The following FRMPD4 variants were observed in gnomAD, a reference collection of about 807,000 sequenced individuals.
The protein encoded by FRMPD4 is FERM and PDZ domain-containing protein 4.
FRMPD4 carries 22 observed loss-of-function variants against 94.1 expected under a neutral mutation model. That is an observed-to-expected ratio of 0.23 (90% confidence interval 0.17 to 0.33). FRMPD4 has a LOEUF of 0.33. Among genes scored for constraint, FRMPD4 ranks in the 10% least tolerant of loss-of-function variants. The pLI, the probability that FRMPD4 is intolerant of heterozygous loss-of-function variation, is 1.00. For synonymous variants in FRMPD4, 631 were observed against 548.6 expected, an observed-to-expected ratio of 1.15 and a Z score of -2.10; for missense variants, 1,111 against 1,339.9, an observed-to-expected ratio of 0.83 and a Z score of 2.67.
At chrX:12,674,659 G>A (rs948461816) in intron 4 of FRMPD4, among the ~76,000 whole-genome samples, 3 of 111,905 alleles carry the variant, frequency 2.7e-5, no homozygotes, top group Non-Finnish European at 5.6e-5. Context: ...TTTCAATTGG[G>A]CAGTTTGTTA....
intron 3 of FRMPD4, among the ~76,000 whole-genome samples, chrX:11,906,115 T>TTTTTTTTATTTA (rs1555913026): frequency 5.7e-5 from 5 of 88,247 alleles, no homozygotes; most frequent in Admixed American, 5.3e-4. Context: ...TTTCCCTTCA[T>TTTTTTTTATTTA]TTTATTTATT....
At chrX:12,561,027 C>T (rs1430264001) in intron 2 of FRMPD4, among the ~76,000 whole-genome samples, 1 of 109,383 alleles carries the variant, frequency 9.1e-6, no homozygotes, top group Non-Finnish European at 1.9e-5. Context: ...CCTCGGCCTC[C>T]CAAAGTGCTG....
intron 1 of FRMPD4, among the ~76,000 whole-genome samples, chrX:12,442,808 T>C (rs2057153341): frequency 9.0e-6 from 1 of 111,452 alleles, no homozygotes; most frequent in African/African-American, 3.3e-5. Context: ...TTATTCCTAA[T>C]AGACAAAACA....
In FRMPD4 at chrX:12,233,443, G is replaced by A. The variant is rs545677375; in HGVS notation, c.41+94431G>A. Among the ~76,000 whole-genome samples the A allele has an allele frequency of 1.5e-4, 17 of 111,443 alleles. No homozygotes were observed. In the South Asian group the frequency reaches 4.9e-3, roughly 32 times the overall value. ...TATCTGGCAACCCTATATGTTTGGG[G>A]GAGCTCAGTTTGAATCAATATCTTT... On this transcript the variant is annotated intron_variant, in intron 1 of 16. Coordinates refer to ENST00000675598, the MANE Select transcript of FRMPD4 (RefSeq NM_001368397.1).
chrX:12,226,933 G>A (rs2056929223), intron 1 of FRMPD4, among the ~76,000 whole-genome samples: 1 of 110,575 alleles, frequency 9.0e-6, no homozygotes, highest in Non-Finnish European at 1.9e-5. Flanking sequence ...AATTGGTCCA[G>A]AACAAAGTCA....
intron 1 of FRMPD4, among the ~76,000 whole-genome samples, chrX:11,857,845 T>C (rs1169894630): frequency 1.8e-5 from 2 of 112,157 alleles, no homozygotes; most frequent in Non-Finnish European, 3.8e-5. Context: ...CTATAAGAAA[T>C]TTAAACAAAT....
intron 1 of FRMPD4, among the ~76,000 whole-genome samples, chrX:12,254,023 AT>A (rs2054081931): frequency 2.7e-5 from 3 of 111,557 alleles, no homozygotes. Context: ...TCAGAATATA[AT>A]TTTTTAATAG....
intron 14 of FRMPD4, among the ~76,000 whole-genome samples, chrX:12,711,925 A>G (rs1177529506): frequency 9.0e-6 from 1 of 111,308 alleles, no homozygotes; most frequent in Non-Finnish European, 1.9e-5. Flanking sequence ...ACTCACACAC[A>G]GTTTATTATG....
chrX:12,569,169 T>A (rs1420704360), intron 2 of FRMPD4, among the ~76,000 whole-genome samples: 1 of 111,589 alleles, frequency 9.0e-6, no homozygotes, highest in Non-Finnish European at 1.9e-5. Flanking sequence ...TCTAGAACCA[T>A]GAGTCAAATA....
chrX:11,838,607 G>A (rs1269954817), intron 1 of FRMPD4, among the ~76,000 whole-genome samples: 2 of 110,762 alleles, frequency 1.8e-5, no homozygotes, highest in African/African-American at 6.6e-5. Flanking sequence ...AATTTCCCTT[G>A]AGCCCATTTG....
At chrX:12,708,248 G>T (rs1437876807) in intron 13 of FRMPD4, among the ~76,000 whole-genome samples, 1 of 110,544 alleles carries the variant, frequency 9.0e-6, no homozygotes, top group East Asian at 2.8e-4. Context: ...GAGGCGGGCG[G>T]ATCACGAGGT....
chrX:12,125,449 T>C (rs1435581879), intron 3 of FRMPD4, among the ~76,000 whole-genome samples: 5 of 112,050 alleles, frequency 4.5e-5, no homozygotes, highest in Admixed American at 2.8e-4. Context: ...ATTACTTTTC[T>C]CACCAAGTAA....
chrX:12,139,340 T>C (rs1189049319), intron 1 of FRMPD4, among the ~76,000 whole-genome samples: 1 of 111,137 alleles, frequency 9.0e-6, no homozygotes, highest in Admixed American at 9.5e-5. Context: ...ATGGTTGTAA[T>C]TGCTACTGCT....
chrX:12,304,814 G>A (rs1192814574), intron 1 of FRMPD4, among the ~76,000 whole-genome samples: 2 of 112,061 alleles, frequency 1.8e-5, no homozygotes, highest in Admixed American at 1.9e-4. Flanking sequence ...CTTGATGCAT[G>A]TCTTATGAAA....
intron 1 of FRMPD4, among the ~76,000 whole-genome samples, chrX:12,345,824 C>T (rs2055699255): frequency 9.0e-6 from 1 of 111,543 alleles, no homozygotes; most frequent in Non-Finnish European, 1.9e-5. Context: ...ATATGGCGTG[C>T]TTAAGGCTTA....
intron 2 of FRMPD4, among the ~76,000 whole-genome samples, chrX:12,563,337 C>G (rs2058678148): frequency 9.0e-6 from 1 of 111,226 alleles, no homozygotes; most frequent in Non-Finnish European, 1.9e-5. Context: ...CTGGTTCCTC[C>G]CAGAGCAACT....
chrX:12,600,659 T>C (rs7891490), intron 2 of FRMPD4, among the ~76,000 whole-genome samples: 6,907 of 111,981 alleles, frequency 0.062, 539 homozygotes, highest in African/African-American at 0.21. Context: ...AAGATTTTCA[T>C]AGCTGCTCGA....
upstream of FRMPD4, among the ~76,000 whole-genome samples, chrX:12,136,890 AACACACACACACAC>A (rs376427153): frequency 7.5e-4 from 73 of 97,605 alleles, 1 homozygote; most frequent in African/African-American, 2.4e-3. Flanking sequence ...TCTACGTTAA[AACACACACACACAC>A]ACACACACAC....
At chrX:12,181,745 G>A (rs1398492388) in intron 1 of FRMPD4, among the ~76,000 whole-genome samples, 1 of 111,319 alleles carries the variant, frequency 9.0e-6, no homozygotes, top group Admixed American at 9.5e-5. Flanking sequence ...GTATTAAACC[G>A]AGTGTGGGTC....
Sources: gnomAD v4.1 joint callset for allele counts (sites outside exome capture counted in the v4.1 genomes callset) on GRCh38, gnomAD v4.1.1 for gene constraint, MANE v1.5 for transcripts, NCBI Gene and HGNC (gene_info 2026-07-23, HGNC 2026-07-21) for gene names.